The following SPRED2 variants were observed in gnomAD, a reference collection of about 807,000 sequenced individuals.
The protein encoded by SPRED2 is sprouty related EVH1 domain containing 2, also known as sprouty-related, EVH1 domain-containing protein 2.
SPRED2 carries 47 observed loss-of-function variants against 43.0 expected under a neutral mutation model. The observed-to-expected ratio is 1.09, with a 90% CI of 0.87 to 1.40. The LOEUF (loss-of-function observed/expected upper bound fraction) is 1.40. SPRED2 is among the 40% of genes most tolerant of loss of function. SPRED2 has a pLI of 0.00. For missense variants in SPRED2, 561 were observed against 586.4 expected (o/e 0.96, Z 0.45); for synonymous variants, 225 against 225.7 (o/e 1.00, Z 0.03).
intron 4 of SPRED2, among the ~76,000 whole-genome samples, chr2:65,329,747 C>G (rs537469352): frequency 6.6e-6 from 1 of 152,188 alleles, no homozygotes; most frequent in African/African-American, 2.4e-5. Context: ...CCTTTTAACC[C>G]GCCTGCTGTT....
intron 1 of SPRED2, among the ~76,000 whole-genome samples, chr2:65,381,710 A>G (rs1572883227): frequency 1.3e-5 from 2 of 152,254 alleles, no homozygotes; most frequent in South Asian, 4.1e-4. Flanking sequence ...CTGATGACAG[A>G]AGCCCTCAGC....
At chr2:65,393,684 C>T (rs557509097) in intron 1 of SPRED2, among the ~76,000 whole-genome samples, 2 of 152,066 alleles carry the variant, frequency 1.3e-5, no homozygotes, top group Admixed American at 6.6e-5. Context: ...CATTATAAAG[C>T]GATTTACCAG....
Position 65,391,195 on chromosome 2 carries a change from T to TACACACACACACACAC in SPRED2, c.26+40751_26+40766dup, listed in dbSNP as rs70943648. 4.6e-3 allele frequency among the ~76,000 whole-genome samples: 668 copies of TACACACACACACACAC among 145,612 alleles called. 3 individuals are homozygous for TACACACACACACACAC. The highest frequency in any genetic ancestry group is 8.2e-3 in the Non-Finnish European group (545 of 66,514). On this transcript the variant is annotated intron_variant, in intron 1 of 5. Transcript: ENST00000356388. Reference sequence around the variant, plus strand: ...ATGGGCACAACCTCACCTTAATGTGTACACACACACACACACACACACACA... The same window carrying TACACACACACACACAC: ...ATGGGCACAACCTCACCTTAATGTGTACACACACACACACACACACACACACACACACACACACACA...
rs190205073 is a variant in SPRED2 at position 65,419,350 on chromosome 2, C to T, written c.26+12612G>A. 6.8e-4 allele frequency among the ~76,000 whole-genome samples: 104 copies of T among 152,314 alleles called. 1 individual carries two copies. The highest frequency in any genetic ancestry group is 2.4e-4 in the Non-Finnish European group (16 of 68,028). ...GGTTAGACTCACTTGTAACTCCCCC[C>T]ATCCAACTCCAACTAAACATGTCCT... On this transcript the variant is annotated intron_variant, in intron 1 of 5. Transcript: ENST00000356388.
At chr2:65,422,570 T>G (rs2103800787) in intron 1 of SPRED2, among the ~76,000 whole-genome samples, 1 of 152,288 alleles carries the variant, frequency 6.6e-6, no homozygotes, top group South Asian at 2.1e-4. Context: ...GTACTTCCAC[T>G]CATTTATTTT....
chr2:65,316,850 T>A lies in SPRED2; in HGVS notation c.472A>T (p.Lys158Ter). 6.2e-7 allele frequency: 1 copy of A among 1,613,938 alleles called. No individual in the cohort carries two copies. The highest frequency in any genetic ancestry group is 8.5e-7 in the Non-Finnish European group (1 of 1,179,980). ...ATDSSSNSSQ[K>*]REQPTRTISS... ...ATTGTCCGAGTAGGTTGCTCTCTCT[T>A]CTGAGAGGAATTAGAAGAACTGTCT... Residue 158 changes from lysine to a stop codon, truncating the protein, a stop_gained, in exon 5 of 6, where the codon AAG (lysine) becomes TAG (stop). Coordinates refer to ENST00000356388, the MANE Select transcript of SPRED2 (RefSeq NM_181784.3). LOFTEE classifies it high-confidence loss of function.
chr2:65,347,325 G>A (rs1674380746), intron 1 of SPRED2, among the ~76,000 whole-genome samples: 1 of 152,006 alleles, frequency 6.6e-6, no homozygotes, highest in Non-Finnish European at 1.5e-5. Flanking sequence ...CATAGTGAGA[G>A]GGAAAAACCC....
At chr2:65,335,544 A>ACCT (rs1673939554) in intron 2 of SPRED2, among the ~76,000 whole-genome samples, 4 of 152,222 alleles carry the variant, frequency 2.6e-5, no homozygotes, top group African/African-American at 9.6e-5. Context: ...ACACTGAATA[A>ACCT]ATGAGAAACC....
chr2:65,399,233 C>T (rs1293316687), intron 1 of SPRED2, among the ~76,000 whole-genome samples: 25 of 148,134 alleles, frequency 1.7e-4, no homozygotes, highest in Non-Finnish European at 3.0e-4. Flanking sequence ...CACGCCATTG[C>T]ACTCCAGCCT....
Position 65,313,736 on chromosome 2 carries a change from C to T in SPRED2, c.1022G>A (p.Ser341Asn), listed in dbSNP as rs767366788. The change falls in exon 6 of 6, where the codon AGC (serine) becomes AAC (asparagine). Residue 341 changes from serine (S) to asparagine (N), a missense_variant. Physicochemically the swap from Ser to Asn is conservative, Grantham distance 46. Coordinates refer to ENST00000356388, the MANE Select transcript of SPRED2 (RefSeq NM_181784.3). Reference sequence around the variant, plus strand: ...CATGCTGTCCGCGCACCACATGCAGCTCACCCGGCGGATGCAAGTTCTCAC... The same window carrying T: ...CATGCTGTCCGCGCACCACATGCAGTTCACCCGGCGGATGCAAGTTCTCAC... ...DSVRTCIRRVSCMWCADSMLY... is the reference protein window; with the variant it reads ...DSVRTCIRRVNCMWCADSMLY... 6.2e-7 allele frequency: 1 copy of T among 1,614,220 alleles called. No individual in the cohort carries two copies. The highest frequency in any genetic ancestry group is 2.2e-5 in the East Asian group (1 of 44,884).
intron 4 of SPRED2, among the ~76,000 whole-genome samples, chr2:65,327,848 G>T (rs371832654): frequency 1.3e-5 from 2 of 149,760 alleles, no homozygotes; most frequent in African/African-American, 4.9e-5. Context: ...CTCAGCCTCC[G>T]GAGTAGCTGG....
chr2:65,371,013 T>G (rs55712039), intron 1 of SPRED2, among the ~76,000 whole-genome samples: 4,407 of 152,280 alleles, frequency 0.029, 98 homozygotes, highest in Non-Finnish European at 0.044. Flanking sequence ...TCAAGGGGGC[T>G]GAATAGCCAC....
intron 1 of SPRED2, chr2:65,366,790 G>T (rs1005373959): frequency 3.8e-6 from 5 of 1,313,896 alleles, no homozygotes; most frequent in African/African-American, 1.5e-5. Flanking sequence ...AGTCATCCGA[G>T]GGTTAGTCCG....
intron 1 of SPRED2, among the ~76,000 whole-genome samples, chr2:65,383,036 G>A (rs1448178394): frequency 6.6e-6 from 1 of 152,202 alleles, no homozygotes; most frequent in Non-Finnish European, 1.5e-5. Flanking sequence ...GGCACAAGCC[G>A]CCACCCACGC....
At chr2:65,372,864 C>T (rs1224765416) in intron 1 of SPRED2, among the ~76,000 whole-genome samples, 1 of 152,174 alleles carries the variant, frequency 6.6e-6, no homozygotes, top group Non-Finnish European at 1.5e-5. Flanking sequence ...TGTTTCCCTA[C>T]CTCTAAGCCA....
At chr2:65,397,753 T>TC (rs1675790543) in intron 1 of SPRED2, among the ~76,000 whole-genome samples, 1 of 151,844 alleles carries the variant, frequency 6.6e-6, no homozygotes, top group Non-Finnish European at 1.5e-5. Context: ...TATCCCCCAC[T>TC]CCAAAGTACC....
chr2:65,385,370 A>C (rs1675470547), intron 1 of SPRED2, among the ~76,000 whole-genome samples: 1 of 152,230 alleles, frequency 6.6e-6, no homozygotes, highest in Non-Finnish European at 1.5e-5. Context: ...CCTTTACATA[A>C]GAGGAGATGC....
downstream of SPRED2, among the ~76,000 whole-genome samples, chr2:65,309,687 T>C (rs1257381799): frequency 6.6e-6 from 1 of 152,118 alleles, no homozygotes; most frequent in Non-Finnish European, 1.5e-5. Flanking sequence ...TCCTCACTTG[T>C]AAGGTGGAAA....
chr2:65,416,884 G>A (rs1274896039), intron 1 of SPRED2, among the ~76,000 whole-genome samples: 10 of 152,204 alleles, frequency 6.6e-5, no homozygotes, highest in East Asian at 1.9e-4. Flanking sequence ...ATTCAGTACA[G>A]AGGACAAGCC....
Sources: gnomAD v4.1 joint callset for allele counts (sites outside exome capture counted in the v4.1 genomes callset) on GRCh38, gnomAD v4.1.1 for gene constraint, MANE v1.5 for transcripts, NCBI Gene and HGNC (gene_info 2026-07-23, HGNC 2026-07-21) for gene names.